GALNT13: variants seen among roughly 807,000 people sequenced by gnomAD.
GALNT13 encodes the protein polypeptide N-acetylgalactosaminyltransferase 13, also known as UDP-GalNAc:polypeptide N-acetylgalactosaminyltransferase 13.
GALNT13 carries 28 observed loss-of-function variants against 64.2 expected under a neutral mutation model. That is an observed-to-expected ratio of 0.44 (90% confidence interval 0.32 to 0.60). The LOEUF (loss-of-function observed/expected upper bound fraction) is 0.60. GALNT13 is among the 20% of genes least tolerant of loss of function. The pLI is 0.05. For synonymous variants in GALNT13, 214 were observed against 224.6 expected (o/e 0.95, Z 0.42); for missense variants, 577 against 669.8 (o/e 0.86, Z 1.53).
chr2:154,194,310 C>T (rs1321566266), intron 4 of GALNT13, among the ~76,000 whole-genome samples: 1 of 152,144 alleles, frequency 6.6e-6, no homozygotes, highest in East Asian at 1.9e-4. Context: ...GACCATTATT[C>T]AGTGTCATTA....
At chr2:153,774,558 GA>G in the GALNT13 span, among the ~76,000 whole-genome samples, 10 of 152,190 alleles carry the variant, frequency 6.6e-5, no homozygotes, top group East Asian at 1.5e-3. Context: ...CCTTTGACAA[GA>G]AAACTTTTTT....
chr2:153,649,170 A>C, the GALNT13 span, among the ~76,000 whole-genome samples: 16 of 152,100 alleles, frequency 1.1e-4, no homozygotes, highest in African/African-American at 2.7e-4. Context: ...CAGAGATTCA[A>C]CTTCTTCCTG....
chr2:153,170,797 A>T, the GALNT13 span, among the ~76,000 whole-genome samples: 1 of 152,244 alleles, frequency 6.6e-6, no homozygotes, highest in African/African-American at 2.4e-5. Context: ...TCAGTGAGGA[A>T]GTTGCTTTTG....
the GALNT13 span, among the ~76,000 whole-genome samples, chr2:153,137,542 A>T: frequency 6.6e-6 from 1 of 152,014 alleles, no homozygotes; most frequent in Admixed American, 6.6e-5. Context: ...TTGGAATTCA[A>T]TTGGGTTTGG....
At chr2:153,820,781 A>T in the GALNT13 span, among the ~76,000 whole-genome samples, 1 of 151,854 alleles carries the variant, frequency 6.6e-6, no homozygotes, top group African/African-American at 2.4e-5. Context: ...TATAGCCAAC[A>T]TACCCTATAA....
chr2:153,835,353 C>T, the GALNT13 span, among the ~76,000 whole-genome samples: 1 of 151,852 alleles, frequency 6.6e-6, no homozygotes, highest in African/African-American at 2.4e-5. Context: ...TATTTATGTC[C>T]AACAATGTAC....
chr2:154,373,212 T>A (rs1697798665), intron 9 of GALNT13, among the ~76,000 whole-genome samples: 1 of 152,164 alleles, frequency 6.6e-6, no homozygotes, highest in Admixed American at 6.5e-5. Context: ...TTAAGACATC[T>A]GGTACAGTGT....
chr2:154,357,486 G>T (rs113157414), intron 9 of GALNT13, among the ~76,000 whole-genome samples: 2 of 151,966 alleles, frequency 1.3e-5, no homozygotes, highest in African/African-American at 2.4e-5. Flanking sequence ...GACATTTAAG[G>T]CGTGTAAAAA....
chr2:153,776,204 G>A, the GALNT13 span, among the ~76,000 whole-genome samples: 1 of 152,144 alleles, frequency 6.6e-6, no homozygotes, highest in Non-Finnish European at 1.5e-5. Flanking sequence ...CCTTTGTGGT[G>A]TGCATTTTAA....
chr2:154,320,868 A>G (rs1694586788), intron 9 of GALNT13, among the ~76,000 whole-genome samples: 1 of 152,180 alleles, frequency 6.6e-6, no homozygotes, highest in Non-Finnish European at 1.5e-5. Context: ...TTTATCCCAA[A>G]TCAGACTCCT....
intron 11 of GALNT13, among the ~76,000 whole-genome samples, chr2:154,438,063 GC>G (rs747120919): frequency 6.6e-5 from 10 of 151,858 alleles, no homozygotes; most frequent in Non-Finnish European, 1.5e-4. Flanking sequence ...TAAGTGTAGA[GC>G]CTACCTTTAA....
At chr2:153,523,169 T>C in the GALNT13 span, among the ~76,000 whole-genome samples, 32 of 151,054 alleles carry the variant, frequency 2.1e-4, no homozygotes, top group South Asian at 6.3e-3. Context: ...ACTATACAGG[T>C]CTATTTCTGG....
chr2:153,760,496 T>C, the GALNT13 span, among the ~76,000 whole-genome samples: 4 of 152,088 alleles, frequency 2.6e-5, no homozygotes, highest in African/African-American at 4.8e-5. Context: ...TCTTGACCCA[T>C]TGATTATTCA....
chr2:153,779,997 G>A, the GALNT13 span, among the ~76,000 whole-genome samples: 1 of 151,600 alleles, frequency 6.6e-6, no homozygotes, highest in South Asian at 2.1e-4. Context: ...CTATTTTTCT[G>A]ACACCATGCA....
At chr2:154,285,222 C>T (rs929209166) in intron 8 of GALNT13, among the ~76,000 whole-genome samples, 2 of 152,116 alleles carry the variant, frequency 1.3e-5, no homozygotes, top group East Asian at 3.8e-4. Context: ...TTTAGTTTGA[C>T]ACAATTTAAT....
chr2:153,403,247 AGGG>A, the GALNT13 span, among the ~76,000 whole-genome samples: 1 of 150,796 alleles, frequency 6.6e-6, no homozygotes, highest in Admixed American at 6.6e-5. Context: ...CTCGGGGGTC[AGGG>A]GTCAGGGACC....
chr2:153,258,019 G>T, the GALNT13 span, among the ~76,000 whole-genome samples: 1 of 152,026 alleles, frequency 6.6e-6, no homozygotes, highest in African/African-American at 2.4e-5. Context: ...AAATTATCTT[G>T]GGACCTGAAG....
At chr2:153,121,353 C>T in the GALNT13 span, among the ~76,000 whole-genome samples, 1 of 152,108 alleles carries the variant, frequency 6.6e-6, no homozygotes, top group Non-Finnish European at 1.5e-5. Context: ...GAAATGCTTT[C>T]GTTCAGTGAT....
chr2:154,204,018 C>T (rs753008015), intron 4 of GALNT13, among the ~76,000 whole-genome samples: 25 of 152,278 alleles, frequency 1.6e-4, no homozygotes, highest in East Asian at 1.9e-4. Flanking sequence ...ACCTCTTTAA[C>T]TATATCTCTG....
Sources: allele counts gnomAD v4.1 joint callset (sites outside exome capture counted in the v4.1 genomes callset), GRCh38; gene constraint gnomAD v4.1.1; transcripts MANE v1.5; gene names NCBI Gene and HGNC (gene_info 2026-07-23, HGNC 2026-07-21).